Variants in RANBP3 observed in about 807,000 individuals in gnomAD.
RANBP3 encodes the protein ran-binding protein 3.
RANBP3 carries 14 observed loss-of-function variants against 77.3 expected under a neutral mutation model. That is an observed-to-expected ratio of 0.18 (90% confidence interval 0.12 to 0.28). The LOEUF (loss-of-function observed/expected upper bound fraction) is 0.28, where lower values mean the gene tolerates loss of function less well. Among genes scored for constraint, RANBP3 ranks in the 10% least tolerant of loss-of-function variants. The pLI is 1.00. For synonymous variants in RANBP3, 315 were observed against 312.4 expected (o/e 1.01, Z -0.09); for missense variants, 586 against 752.3 (o/e 0.78, Z 2.59).
intron 3 of RANBP3, among the ~76,000 whole-genome samples, chr19:5,946,085 G>A (rs1014095771): frequency 2.6e-5 from 4 of 152,066 alleles, no homozygotes; most frequent in South Asian, 2.1e-4. Flanking sequence ...TTGCTCCTCC[G>A]TGGGCGCCCT....
At chr19:5,946,513 A>C (rs1362687616) in intron 3 of RANBP3, among the ~76,000 whole-genome samples, 1 of 152,214 alleles carries the variant, frequency 6.6e-6, no homozygotes, top group Non-Finnish European at 1.5e-5. Flanking sequence ...GGGAAGAACA[A>C]CACAGGAAGA....
chr19:5,960,454 C>T (rs1213985011), intron 1 of RANBP3, among the ~76,000 whole-genome samples: 1 of 152,172 alleles, frequency 6.6e-6, no homozygotes, highest in African/African-American at 2.4e-5. Context: ...TGATCCACTC[C>T]ATATTGATGG....
At chr19:5,933,580 T>A in intron 5 of RANBP3, 101 bp from the exon 6 acceptor site, 1 of 860,970 alleles carries the variant, frequency 1.2e-6, no homozygotes, top group Non-Finnish European at 1.8e-6. Context: ...CCTCAGTGAC[T>A]TCGGGCCTGG....
chr19:5,923,453 T>G (rs1347141276), intron 12 of RANBP3, 150 bp from the exon 13 acceptor site: 2 of 698,320 alleles, frequency 2.9e-6, no homozygotes, highest in Non-Finnish European at 4.9e-6. Flanking sequence ...AAGTGGACCC[T>G]AGACACAGCC....
rs934172605 is a variant in RANBP3, at chr19:5,959,714, G to A, written c.23-1741C>T. Among the ~76,000 whole-genome samples, 1 of 152,190 alleles carries A rather than the reference G, an allele frequency of 6.6e-6. No homozygotes were observed. The highest frequency in any genetic ancestry group is 2.4e-5 in the African/African-American group (1 of 41,432). On this transcript the variant is annotated intron_variant, in intron 1 of 16. Coordinates refer to ENST00000340578, the MANE Select transcript of RANBP3 (RefSeq NM_007322.3). This position sits in a 1 kb window ranked among gnomAD's most constrained non-coding sequence, Gnocchi z 5.1. The stretch of plus-strand genomic sequence containing the variant: ...AGGAATGCTGGGGGACTCTGGGACA[G>A]AGCAGCAGCGTATCCACACCATGTG...
At chr19:5,976,886 G>A (rs978192467) in intron 1 of RANBP3, among the ~76,000 whole-genome samples, 1 of 152,206 alleles carries the variant, frequency 6.6e-6, no homozygotes, top group Non-Finnish European at 1.5e-5. Flanking sequence ...CTGAAGCCAG[G>A]CCATCTTGGT....
chr19:5,941,416 G>A (rs959117350), intron 5 of RANBP3, among the ~76,000 whole-genome samples: 4 of 152,092 alleles, frequency 2.6e-5, no homozygotes, highest in Non-Finnish European at 4.4e-5. Flanking sequence ...TCACCATGCC[G>A]TCAGTGTCAC....
chr19:5,975,475 A>G (rs1227892153), intron 1 of RANBP3, among the ~76,000 whole-genome samples: 1 of 151,900 alleles, frequency 6.6e-6, no homozygotes, highest in African/African-American at 2.4e-5. Context: ...TGTATTCCTC[A>G]CAACAGGGTC....
chr19:5,975,957 T>C (rs1227238996), intron 1 of RANBP3, among the ~76,000 whole-genome samples: 2 of 151,780 alleles, frequency 1.3e-5, no homozygotes, highest in East Asian at 3.9e-4. Flanking sequence ...GACAGGGACA[T>C]ATTGGGGCCC....
intron 2 of RANBP3, among the ~76,000 whole-genome samples, chr19:5,955,095 T>C (rs1014674548): frequency 6.6e-6 from 1 of 152,258 alleles, no homozygotes; most frequent in Non-Finnish European, 1.5e-5. Context: ...AGCCAATATT[T>C]TGATAAGAAC....
Position 5,958,365 on chromosome 19 carries a change from T to C in RANBP3, c.23-392A>G, listed in dbSNP as rs2058360406. Among the ~76,000 whole-genome samples, 1 of 152,112 alleles carries C rather than the reference T, an allele frequency of 6.6e-6. No individual in the cohort carries two copies. The highest frequency in any genetic ancestry group is 1.5e-5 in the Non-Finnish European group (1 of 68,046). On this transcript the variant is annotated intron_variant, in intron 1 of 16. Transcript: ENST00000340578. This position sits in a 1 kb window ranked among gnomAD's most constrained non-coding sequence, Gnocchi z 4.4. The stretch of plus-strand genomic sequence containing the variant: ...AATGTTAGAGACTAATTTAGCTTTT[T>C]AAAGTTTACAGGCCAGAGGGCAAAA...
chr19:5,933,252 TCAGA>T (rs1284161528), intron 6 of RANBP3, 158 bp downstream of exon 6: 1 of 571,276 alleles, frequency 1.8e-6, no homozygotes, highest in Non-Finnish European at 3.0e-6. Context: ...ACCTCCCTGC[TCAGA>T]CAGCCTCTCT....
At chr19:5,928,154 A>T (rs994876080) in intron 8 of RANBP3, 67 bp from the exon 9 acceptor site, 8 of 1,555,290 alleles carry the variant, frequency 5.1e-6, no homozygotes, top group Middle Eastern at 1.9e-4. Context: ...ACGGATGCCC[A>T]GCAATCCCAC....
rs183040845 is a variant in RANBP3, at chr19:5,957,866, G to C, written c.78+52C>G. The stretch of plus-strand genomic sequence containing the variant: ...ACCTGGAAAAGAGACTCTCAGTAAA[G>C]AGAGAACAAATTAGAGTAACGAAGT... On this transcript the variant is annotated intron_variant, in intron 2 of 16. Coordinates refer to ENST00000340578, the MANE Select transcript of RANBP3 (RefSeq NM_007322.3). 6.4e-4 allele frequency: 1,017 copies of C among 1,596,876 alleles called. 2 individuals carry two copies. The highest frequency in any genetic ancestry group is 8.1e-4 in the Non-Finnish European group (949 of 1,165,306).
intron 3 of RANBP3, among the ~76,000 whole-genome samples, chr19:5,949,959 T>C (rs2058254454): frequency 6.6e-6 from 1 of 152,200 alleles, no homozygotes; most frequent in African/African-American, 2.4e-5. Context: ...TGGAGAGTCC[T>C]ATGTGGGCTG....
chr19:5,948,552 A>G (rs970571796), intron 3 of RANBP3, among the ~76,000 whole-genome samples: 1 of 152,154 alleles, frequency 6.6e-6, no homozygotes, highest in Non-Finnish European at 1.5e-5. Context: ...CTGGCTGGTC[A>G]TGGCTGGATA....
At chr19:5,941,948 G>C in intron 3 of RANBP3, 113 bp from the exon 4 acceptor site, 1 of 1,221,064 alleles carries the variant, frequency 8.2e-7, no homozygotes, top group Non-Finnish European at 1.2e-6. Flanking sequence ...CTAGTTCCCA[G>C]AGCCCAGCAC....
chr19:5,963,336 G>C (rs974647873), intron 1 of RANBP3, among the ~76,000 whole-genome samples: 10 of 152,150 alleles, frequency 6.6e-5, no homozygotes, highest in Non-Finnish European at 5.9e-5. Flanking sequence ...AGGATCACTT[G>C]AGCCCAGGAG....
intron 2 of RANBP3, among the ~76,000 whole-genome samples, chr19:5,957,639 A>G (rs1282300404): frequency 1.3e-5 from 2 of 151,438 alleles, no homozygotes; most frequent in Non-Finnish European, 2.9e-5. Flanking sequence ...TCTCAAACAA[A>G]TCATCAGGAA....
Sources: gnomAD v4.1 joint callset for allele counts (sites outside exome capture counted in the v4.1 genomes callset) on GRCh38, gnomAD v4.1.1 for gene constraint, Gnocchi (gnomAD v3.1) non-coding constraint, MANE v1.5 for transcripts, NCBI Gene and HGNC (gene_info 2026-07-23, HGNC 2026-07-21) for gene names.